FADS1: variants seen among roughly 807,000 people sequenced by gnomAD.
FADS1 encodes fatty acid desaturase 1.
In FADS1, 17 loss-of-function variants were observed where a neutral mutation model predicts 61.6. The ratio of observed to expected loss-of-function variants is 0.28; its 90% CI spans 0.19 to 0.41. The LOEUF (loss-of-function observed/expected upper bound fraction) is 0.41, where lower values mean the gene tolerates loss of function less well. Among genes scored for constraint, FADS1 ranks in the 10% least tolerant of loss-of-function variants. The pLI is 1.00. For missense variants in FADS1, 387 were observed against 650.9 expected, an observed-to-expected ratio of 0.59 and a Z score of 4.41; for synonymous variants, 238 against 258.7, an observed-to-expected ratio of 0.92 and a Z score of 0.77.
chr11:61,814,035 C>A (rs1300520133), intron 1 of FADS1: 11 of 152,298 alleles, frequency 7.2e-5, no homozygotes, highest in African/African-American at 2.4e-4. Flanking sequence ...GCAACCTGCT[C>A]GGGTACCCTT....
Position 61,810,807 on chromosome 11 carries a change from G to A in FADS1, c.859C>T (p.Pro287Ser), listed in dbSNP as rs1223680364. ...HAKPNCFRKD[P>S]DINMHPFFFA... Reference sequence around the variant, plus strand: ...AAGAAGGGATGCATGTTGATGTCTGGGTCTTTGCGGAAGCAGTTGGGCTTG... The same window carrying A: ...AAGAAGGGATGCATGTTGATGTCTGAGTCTTTGCGGAAGCAGTTGGGCTTG... Residue 287 changes from proline (P) to serine (S), a missense_variant, in exon 5 of 12, where the codon CCA (proline) becomes TCA (serine). This residue lies in a region of FADS1 where 257 missense variants were observed against 533.3 expected (regional missense o/e 0.48). Transcript: ENST00000350997. The A allele has an allele frequency of 6.2e-7, 1 of 1,614,070 alleles. No homozygotes were observed. The highest frequency in any genetic ancestry group is 8.5e-7 in the Non-Finnish European group (1 of 1,180,052).
intron 5 of FADS1, 109 bp from the exon 6 acceptor site, chr11:61,806,833 G>A: frequency 3.1e-6 from 3 of 971,726 alleles, no homozygotes; most frequent in Non-Finnish European, 5.0e-6. Context: ...CTGACAGCTT[G>A]TTGGTGCTAT....
At chr11:61,813,952 G>A (rs2066951220) in intron 1 of FADS1, among the ~76,000 whole-genome samples, 1 of 143,442 alleles carries the variant, frequency 7.0e-6, no homozygotes, top group Admixed American at 7.1e-5. Flanking sequence ...CTGGGCGACA[G>A]GGAGACTCCG....
chr11:61,804,699 G>T lies in FADS1; in HGVS notation c.1039C>A (p.Arg347=), dbSNP rs142276858. The T allele has an allele frequency of 1.9e-6, 3 of 1,613,986 alleles. No individual in the cohort carries two copies. The highest frequency in any genetic ancestry group is 2.5e-6 in the Non-Finnish European group (3 of 1,179,898). The change falls in exon 7 of 12, where the codon CGA becomes AGA. Residue 347 remains arginine, a synonymous_variant. Transcript: ENST00000350997. ...TGGATACTCACCACCCACTTCTTTC[G>T]CTGGATAACAAAATAGAAAATATAC... ...QWYIFYFVIQ[R]KKWVDLAWMI... is the part of the protein sequence containing the mutation.
intron 3 of FADS1, 61 bp downstream of exon 3, chr11:61,812,410 A>G (rs2066937297): frequency 7.2e-6 from 11 of 1,533,616 alleles, no homozygotes; most frequent in Non-Finnish European, 9.9e-6. Flanking sequence ...TCAAACACCC[A>G]AGGAGCTTTC....
chr11:61,809,723 G>A (rs1180376125), intron 5 of FADS1, among the ~76,000 whole-genome samples: 1 of 152,182 alleles, frequency 6.6e-6, no homozygotes, highest in Admixed American at 6.5e-5. Context: ...TCAGACGGGG[G>A]ACAGGGCTGC....
intron 5 of FADS1, 144 bp from the exon 6 acceptor site, chr11:61,806,868 T>G (rs1003460430): frequency 3.1e-5 from 23 of 742,894 alleles, no homozygotes; most frequent in Non-Finnish European, 4.6e-5. Flanking sequence ...AGGCCCAGCC[T>G]TACCTCCAGC....
chr11:61,816,775 C>T lies in FADS1; in HGVS notation c.155G>A (p.Gly52Asp). 6.6e-7 allele frequency: 1 copy of T among 1,524,188 alleles called. No homozygotes were observed. Among genetic ancestry groups the T allele is most frequent in the Non-Finnish European group, 8.8e-7 (1 of 1,140,608 alleles). 94.4% of individuals were successfully genotyped at this position (1,524,188 alleles called of 1,614,324 possible). A position where few individuals can be genotyped will look rare whatever the true frequency, so the allele number is the denominator to read the frequency against. Residue 52 changes from glycine (G) to aspartate (D), a missense_variant, in exon 1 of 12, where the codon GGC becomes GAC. Gly to Asp is a moderately conservative substitution (Grantham distance 94). Transcript: ENST00000350997. This position sits in a 1 kb window ranked among gnomAD's most constrained non-coding sequence, Gnocchi z 7.0. ...GGGGGCCATAGCTGGCCTGGCGACG[C>T]CGCGCGCCGGGCCAGCAGGGGCTGT... ...RLTAPAGPARGVARPAMAPDP... is the reference protein window; with the variant it reads ...RLTAPAGPARDVARPAMAPDP...
chr11:61,812,754 T>G (rs1565320930), intron 2 of FADS1, 86 bp from the exon 3 acceptor site: 2 of 1,228,548 alleles, frequency 1.6e-6, no homozygotes, highest in Admixed American at 4.0e-5. Flanking sequence ...CTCAAGGACC[T>G]CCCACTGAGG....
chr11:61,803,254 G>C lies in FADS1; in HGVS notation c.1248+109C>G. 1 of 1,243,926 alleles carries C rather than the reference G, an allele frequency of 8.0e-7. No individual in the cohort carries two copies. Among genetic ancestry groups the C allele is most frequent in the Middle Eastern group, 1.9e-4 (1 of 5,352 alleles). The allele number at this position is 1,243,926 out of a possible 1,614,324, so 77.1% of individuals were successfully genotyped here. A position where few individuals can be genotyped will look rare whatever the true frequency, so the allele number is the denominator to read the frequency against. On this transcript the variant is annotated intron_variant, in intron 9 of 11. Transcript: ENST00000350997. The surrounding 1 kb of genome is among the most constrained non-coding windows in gnomAD (Gnocchi z 4.3). ...CATGGTTGCAGAACAAGAGCCTCAG[G>C]CTAATGAGAAAATGCTGTTTGGGGG...
intron 5 of FADS1, 98 bp from the exon 6 acceptor site, chr11:61,806,822 G>T: frequency 9.4e-7 from 1 of 1,068,170 alleles, no homozygotes; most frequent in Non-Finnish European, 1.5e-6. Flanking sequence ...CTCCTCCAGG[G>T]CTGACAGCTT....
At chr11:61,808,898 C>T (rs1388771476) in intron 5 of FADS1, among the ~76,000 whole-genome samples, 1 of 152,192 alleles carries the variant, frequency 6.6e-6, no homozygotes, top group African/African-American at 2.4e-5. Flanking sequence ...TACCTACCCT[C>T]TATAATTCAT....
At chr11:61,809,923 C>T (rs1465624718) in intron 5 of FADS1, among the ~76,000 whole-genome samples, 4 of 152,170 alleles carry the variant, frequency 2.6e-5, no homozygotes, top group Non-Finnish European at 5.9e-5. Flanking sequence ...GCGAGAGGAA[C>T]GCCAGGCTAC....
chr11:61,802,108 G>A lies in FADS1; in HGVS notation c.*303C>T. 1 of 363,136 alleles carries A rather than the reference G, an allele frequency of 2.8e-6. No individual in the cohort carries two copies. Among genetic ancestry groups the A allele is most frequent in the East Asian group, 5.5e-5 (1 of 18,344 alleles). The allele number at this position is 363,136 out of a possible 1,614,324, so 22.5% of individuals were successfully genotyped here. On this transcript the variant is annotated 3_prime_UTR_variant, in exon 12 of 12. Coordinates refer to ENST00000350997, the MANE Select transcript of FADS1 (RefSeq NM_013402.7). The surrounding 1 kb of genome is among the most constrained non-coding windows in gnomAD (Gnocchi z 4.2). ...GGGTTCAGTAGGTCCCTCCTCTTCTGTTACCCTCCTGGTTCTCTCTGTTCA... is the reference window on the plus strand; with the variant it reads ...GGGTTCAGTAGGTCCCTCCTCTTCTATTACCCTCCTGGTTCTCTCTGTTCA...
intron 1 of FADS1, chr11:61,814,130 T>G (rs889518185): frequency 6.6e-6 from 1 of 152,338 alleles, no homozygotes; most frequent in Admixed American, 6.5e-5. Flanking sequence ...CTGTAAGAGC[T>G]GTAACACTCA....
In FADS1 at chr11:61,806,664, T is replaced by C; in HGVS notation, c.976A>G (p.Ile326Val). 1 of 1,613,892 alleles carries C rather than the reference T, an allele frequency of 6.2e-7. No individual in the cohort carries two copies. Among genetic ancestry groups the C allele is most frequent in the Non-Finnish European group, 8.5e-7 (1 of 1,179,748 alleles). ...CCCTGTGTTGGATGGGGACACTCAC[T>C]TAGGAAGAAGTATTTGTGCTGGTGG... is the stretch of plus-strand genomic sequence containing the variant. ...YNHQHKYFFL[I>V]GPPALLPLYF... is the part of the protein sequence containing the mutation. Residue 326 changes from isoleucine (I) to valine (V), a missense_variant and splice_region_variant, in exon 6 of 12, where the codon ATT becomes GTT. Transcript: ENST00000350997.
chr11:61,816,950 G>A lies in FADS1; in HGVS notation c.-21C>T. 2 of 1,375,526 alleles carry A rather than the reference G, an allele frequency of 1.5e-6. No homozygotes were observed. The highest frequency in any genetic ancestry group is 1.9e-6 in the Non-Finnish European group (2 of 1,073,178). The allele number at this position is 1,375,526 out of a possible 1,614,324, so 85.2% of individuals were successfully genotyped here. ...CCCATTGGCCGAGCCTCGTGGCGCG[G>A]GGAGCGAGATCCCGTCCCCCGGTGG... On this transcript the variant is annotated 5_prime_UTR_variant, in exon 1 of 12. Transcript: ENST00000350997. The surrounding 1 kb of genome is among the most constrained non-coding windows in gnomAD (Gnocchi z 7.0).
intron 7 of FADS1, chr11:61,804,327 T>A: frequency 4.0e-6 from 1 of 251,442 alleles, no homozygotes; most frequent in Non-Finnish European, 7.6e-6. Flanking sequence ...CCCCAGAACC[T>A]ATTGCCTGTA....
At position 61,803,178 on chromosome 11, in the gene FADS1, G is replaced by C; in HGVS notation, c.1249-67C>G. On this transcript the variant is annotated intron_variant, in intron 9 of 11. Transcript: ENST00000350997. This position sits in a 1 kb window ranked among gnomAD's most constrained non-coding sequence, Gnocchi z 4.3. ...GGAAAGGCCAGCCCAGCATTCTCCA[G>C]GTAAAGCTGGCTGAGGAAGGGACAT... The C allele has an allele frequency of 6.6e-7, 1 of 1,508,630 alleles. No homozygotes were observed. The highest frequency in any genetic ancestry group is 9.2e-7 in the Non-Finnish European group (1 of 1,086,722). 93.5% of individuals were successfully genotyped at this position (1,508,630 alleles called of 1,614,324 possible).
Sources: gnomAD v4.1 joint callset for allele counts (sites outside exome capture counted in the v4.1 genomes callset) on GRCh38, gnomAD v4.1.1 for gene constraint, gnomAD v4.1.1 regional missense constraint, Gnocchi (gnomAD v3.1) non-coding constraint, MANE v1.5 for transcripts, NCBI Gene and HGNC (gene_info 2026-07-23, HGNC 2026-07-21) for gene names.